Variants in SAMD12 observed in about 807,000 individuals in gnomAD.
SAMD12 encodes sterile alpha motif domain containing 12, also known as sterile alpha motif domain-containing protein 12.
In SAMD12, 9 loss-of-function variants were observed where a neutral mutation model predicts 15.0. The observed-to-expected ratio is 0.60, with a 90% CI of 0.36 to 1.05. The LOEUF (loss-of-function observed/expected upper bound fraction) is 1.05, where lower values mean the gene tolerates loss of function less well. Ranked by LOEUF, SAMD12 falls within the 50% of genes least tolerant of loss-of-function variation. The pLI is 0.01. For missense variants in SAMD12, 230 were observed against 234.2 expected, an observed-to-expected ratio of 0.98 and a Z score of 0.12; for synonymous variants, 86 against 90.1, an observed-to-expected ratio of 0.96 and a Z score of 0.25.
chr8:118,227,046 G>T (rs1206077957), intron 4 of SAMD12, among the ~76,000 whole-genome samples: 2 of 152,108 alleles, frequency 1.3e-5, no homozygotes, highest in Admixed American at 6.6e-5. Flanking sequence ...AAATAATTCT[G>T]CCATAAAGAC....
chr8:118,150,503 C>T, the SAMD12 span, among the ~76,000 whole-genome samples: 5 of 152,082 alleles, frequency 3.3e-5, no homozygotes, highest in African/African-American at 9.7e-5. Context: ...ACCTCGGCCT[C>T]CCGAGTAGCT....
chr8:118,396,485 G>T (rs1820576711), intron 3 of SAMD12, among the ~76,000 whole-genome samples: 1 of 152,216 alleles, frequency 6.6e-6, no homozygotes, highest in South Asian at 2.1e-4. Context: ...AAGAAAGCAT[G>T]GGTTGTATTT....
At chr8:118,469,546 TA>T (rs1262130174) in intron 2 of SAMD12, among the ~76,000 whole-genome samples, 69 of 136 alleles carry the variant, frequency 0.51, 29 homozygotes, top group African/African-American at 0.58. Flanking sequence ...TATATTATAT[TA>T]TTATATATAA....
intron 2 of SAMD12, among the ~76,000 whole-genome samples, chr8:118,554,064 A>T (rs1465630182): frequency 6.6e-6 from 1 of 151,932 alleles, no homozygotes; most frequent in Non-Finnish European, 1.5e-5. Flanking sequence ...GAGAAATAGG[A>T]ACACTTTTAC....
At position 118,280,060 on chromosome 8, in the gene SAMD12, CT is replaced by C. The variant is rs200043976; in HGVS notation, c.434-82329del. Among the ~76,000 whole-genome samples, 989 of 152,274 alleles carry C rather than the reference CT, an allele frequency of 6.5e-3. 12 individuals carry two copies. The highest frequency in any genetic ancestry group is 0.023 in the African/African-American group (939 of 41,556). ...TACAAATGGGACTGGCAATTGTGAG[CT>C]TTTGGTGGTGGTGATGTGTAGGGAA... On this transcript the variant is annotated intron_variant, in intron 4 of 4. Coordinates refer to the SAMD12 transcript ENST00000409003.
intron 4 of SAMD12, among the ~76,000 whole-genome samples, chr8:118,324,665 A>T (rs1233476321): frequency 6.6e-6 from 1 of 152,176 alleles, no homozygotes; most frequent in Non-Finnish European, 1.5e-5. Context: ...GAGACCTGAC[A>T]TTTGAATTGA....
chr8:118,246,132 T>C (rs1253392635), intron 4 of SAMD12, among the ~76,000 whole-genome samples: 1 of 152,130 alleles, frequency 6.6e-6, no homozygotes, highest in Non-Finnish European at 1.5e-5. Flanking sequence ...CGTAGATGAA[T>C]ATGGCAGGAA....
At chr8:118,255,983 T>C (rs1459071081) in intron 4 of SAMD12, among the ~76,000 whole-genome samples, 4 of 152,074 alleles carry the variant, frequency 2.6e-5, no homozygotes, top group African/African-American at 9.7e-5. Flanking sequence ...AGTGTAAAAG[T>C]GTTCCTATTT....
intron 4 of SAMD12, among the ~76,000 whole-genome samples, chr8:118,241,585 G>A (rs1812567055): frequency 6.6e-6 from 1 of 152,082 alleles, no homozygotes; most frequent in Non-Finnish European, 1.5e-5. Flanking sequence ...CTCTTGATAA[G>A]CATACTGCTG....
At chr8:118,586,541 C>A (rs1351385569) in intron 1 of SAMD12, among the ~76,000 whole-genome samples, 6 of 152,042 alleles carry the variant, frequency 3.9e-5, no homozygotes, top group African/African-American at 1.4e-4. Context: ...CAGGGTTCTG[C>A]CATGTTGCCC....
rs147614326 is a variant in SAMD12 at position 118,505,607 on chromosome 8, G to A, written c.193-65646C>T. ...ATGTAAAAGCCACATGCTAAGGAAG[G>A]CAGAGGAGAAAGACAGAAGGAGCCT... On this transcript the variant is annotated intron_variant, in intron 2 of 3. Transcript: ENST00000314727. 1.6e-3 allele frequency among the ~76,000 whole-genome samples: 244 copies of A among 151,918 alleles called. 1 individual carries two copies. Among genetic ancestry groups the A allele is most frequent in the African/African-American group, 4.6e-3 (192 of 41,428 alleles).
At chr8:118,591,086 T>C (rs1029583915) in intron 1 of SAMD12, among the ~76,000 whole-genome samples, 1 of 152,198 alleles carries the variant, frequency 6.6e-6, no homozygotes, top group African/African-American at 2.4e-5. Flanking sequence ...AACAGAAATG[T>C]TCTCCACCTT....
Position 118,379,297 on chromosome 8 carries a change from A to T in SAMD12, c.*120T>A, listed in dbSNP as rs1486240476. The T allele has an allele frequency of 2.7e-6, 4 of 1,471,448 alleles. No individual in the cohort carries two copies. Among genetic ancestry groups the T allele is most frequent in the Non-Finnish European group, 3.6e-6 (4 of 1,115,726 alleles). The allele number at this position is 1,471,448 out of a possible 1,614,324, so 91.1% of individuals were successfully genotyped here. A position where few individuals can be genotyped will look rare whatever the true frequency, so the allele number is the denominator to read the frequency against. On this transcript the variant is annotated 3_prime_UTR_variant, in exon 4 of 4. Coordinates refer to ENST00000314727, the MANE Select transcript of SAMD12 (RefSeq NM_207506.3). The stretch of plus-strand genomic sequence containing the variant: ...TCTGGGGTTGTGCAGTACACAATCC[A>T]TACAACTGTACGTGACCACCTTGAA...
chr8:118,506,938 T>C (rs1824936487), intron 2 of SAMD12, among the ~76,000 whole-genome samples: 1 of 152,016 alleles, frequency 6.6e-6, no homozygotes, highest in Admixed American at 6.6e-5. Flanking sequence ...CTGTCACTCA[T>C]GGGAGGGTAT....
At chr8:118,419,359 G>C (rs560781396) in intron 3 of SAMD12, among the ~76,000 whole-genome samples, 3 of 152,138 alleles carry the variant, frequency 2.0e-5, no homozygotes, top group Non-Finnish European at 4.4e-5. Flanking sequence ...CTATCAACAG[G>C]GGTCTGAGGT....
At chr8:118,407,875 C>G (rs954644033) in intron 3 of SAMD12, among the ~76,000 whole-genome samples, 10 of 152,114 alleles carry the variant, frequency 6.6e-5, no homozygotes, top group African/African-American at 2.4e-4. Context: ...TAATCTCAAT[C>G]CTACTCTCTA....
intron 4 of SAMD12, among the ~76,000 whole-genome samples, chr8:118,308,921 T>C (rs1815481407): frequency 6.6e-6 from 1 of 152,164 alleles, no homozygotes; most frequent in African/African-American, 2.4e-5. Context: ...AATGATTACT[T>C]CTAGGAAAAG....
At chr8:118,558,302 C>CT (rs1826601626) in intron 2 of SAMD12, among the ~76,000 whole-genome samples, 2 of 152,002 alleles carry the variant, frequency 1.3e-5, no homozygotes, top group African/African-American at 4.8e-5. Context: ...TGTGGTCTAC[C>CT]TAGGTCTCAA....
At chr8:118,269,256 GTGTGT>G (rs1813285724) in intron 4 of SAMD12, among the ~76,000 whole-genome samples, 1 of 141,122 alleles carries the variant, frequency 7.1e-6, no homozygotes, top group African/African-American at 2.8e-5. Context: ...GTGTGTGTGT[GTGTGT>G]AAGCAGGAAA....
Sources: allele counts gnomAD v4.1 joint callset (sites outside exome capture counted in the v4.1 genomes callset), GRCh38; gene constraint gnomAD v4.1.1; transcripts MANE v1.5; gene names NCBI Gene and HGNC (gene_info 2026-07-23, HGNC 2026-07-21).